The following OSBP2 variants were observed in gnomAD, a reference collection of about 807,000 sequenced individuals.
OSBP2 encodes oxysterol binding protein 2.
A neutral mutation model predicts 96.0 loss-of-function variants in OSBP2; 66 were observed. The observed-to-expected ratio is 0.69, with a 90% CI of 0.56 to 0.84. The LOEUF (loss-of-function observed/expected upper bound fraction) is 0.84, where lower values mean the gene tolerates loss of function less well. OSBP2 is among the 40% of genes least tolerant of loss of function. OSBP2 has a pLI of 0.00. For missense variants in OSBP2, 1,038 were observed against 1,222.7 expected (o/e 0.85, Z 2.25); for synonymous variants, 525 against 520.9 (o/e 1.01, Z -0.11).
intron 2 of OSBP2, among the ~76,000 whole-genome samples, chr22:30,859,614 AG>A (rs1202943196): frequency 6.6e-6 from 1 of 152,196 alleles, no homozygotes; most frequent in East Asian, 1.9e-4. Context: ...GGCTGAAAAA[AG>A]GGCCTTCCTC....
intron 1 of OSBP2, among the ~76,000 whole-genome samples, chr22:30,717,108 G>T (rs1386674306): frequency 4.6e-4 from 65 of 141,532 alleles, no homozygotes; most frequent in African/African-American, 8.4e-4. Flanking sequence ...GTGTGTGTGT[G>T]TGTGTGTGTG....
chr22:30,815,251 C>T (rs2091068481), intron 2 of OSBP2, among the ~76,000 whole-genome samples: 1 of 152,174 alleles, frequency 6.6e-6, no homozygotes, highest in African/African-American at 2.4e-5. Flanking sequence ...CCGCTGTACT[C>T]CAGCCTGGGT....
chr22:30,782,108 T>C (rs931287850), intron 2 of OSBP2, among the ~76,000 whole-genome samples: 1 of 152,136 alleles, frequency 6.6e-6, no homozygotes, highest in African/African-American at 2.4e-5. Flanking sequence ...ATTACGCCAC[T>C]GCACTCCAGC....
At chr22:30,809,862 C>A (rs2090982859) in intron 2 of OSBP2, among the ~76,000 whole-genome samples, 2 of 152,070 alleles carry the variant, frequency 1.3e-5, no homozygotes, top group African/African-American at 4.8e-5. Context: ...CTTGGGGATT[C>A]ATTGCATATA....
intron 2 of OSBP2, among the ~76,000 whole-genome samples, chr22:30,842,938 CCTGGCT>C (rs1214055691): frequency 2.6e-5 from 4 of 152,080 alleles, no homozygotes; most frequent in African/African-American, 9.7e-5. Flanking sequence ...TGCCACCACA[CCTGGCT>C]AATTTTTATT....
intron 1 of OSBP2, among the ~76,000 whole-genome samples, chr22:30,723,939 T>C (rs1409435442): frequency 6.6e-6 from 1 of 152,164 alleles, no homozygotes; most frequent in Admixed American, 6.6e-5. Context: ...GTGCGGTACC[T>C]TCTATGGACT....
At chr22:30,734,051 T>A (rs2089817396) in intron 1 of OSBP2, among the ~76,000 whole-genome samples, 1 of 152,126 alleles carries the variant, frequency 6.6e-6, no homozygotes, top group Non-Finnish European at 1.5e-5. Flanking sequence ...CTCCATTCAC[T>A]GCAACCATCA....
intron 1 of OSBP2, among the ~76,000 whole-genome samples, chr22:30,697,365 G>A (rs1038329444): frequency 2.6e-5 from 4 of 151,968 alleles, no homozygotes; most frequent in African/African-American, 7.3e-5. Flanking sequence ...TGCAACCTCC[G>A]CCTCCCAGGT....
chr22:30,696,679 A>C (rs1264871625), intron 1 of OSBP2, among the ~76,000 whole-genome samples: 1 of 152,122 alleles, frequency 6.6e-6, no homozygotes, highest in Non-Finnish European at 1.5e-5. Flanking sequence ...TTTGAGACGG[A>C]GTATTGCTCT....
At chr22:30,803,233 C>T (rs1602286143) in intron 2 of OSBP2, 1 of 154,032 alleles carries the variant, frequency 6.5e-6, no homozygotes, top group East Asian at 1.9e-4. Flanking sequence ...GGCATGGGAT[C>T]TCTTGGGCTT....
At chr22:30,886,127 T>G (rs1238713657) in intron 3 of OSBP2, among the ~76,000 whole-genome samples, 1 of 152,260 alleles carries the variant, frequency 6.6e-6, no homozygotes, top group Non-Finnish European at 1.5e-5. Flanking sequence ...TGGGAGGTCC[T>G]GAGAACATGT....
At chr22:30,787,849 A>AG (rs1437461821) in intron 2 of OSBP2, among the ~76,000 whole-genome samples, 4 of 152,040 alleles carry the variant, frequency 2.6e-5, no homozygotes, top group Non-Finnish European at 4.4e-5. Flanking sequence ...AGAACCTTGG[A>AG]GGGGTGTTAG....
chr22:30,880,168 C>T (rs546129953), intron 3 of OSBP2, among the ~76,000 whole-genome samples: 20 of 152,332 alleles, frequency 1.3e-4, no homozygotes, highest in African/African-American at 4.3e-4. Flanking sequence ...TGACTCTCTG[C>T]GATCTCACCG....
intron 2 of OSBP2, among the ~76,000 whole-genome samples, chr22:30,767,993 T>C (rs985488428): frequency 4.6e-5 from 7 of 152,156 alleles, no homozygotes; most frequent in Non-Finnish European, 5.9e-5. Flanking sequence ...TCTTATTCTT[T>C]AGGAGGTGTG....
chr22:30,885,109 A>G (rs935284487), intron 3 of OSBP2, among the ~76,000 whole-genome samples: 4 of 152,204 alleles, frequency 2.6e-5, no homozygotes, highest in African/African-American at 9.6e-5. Context: ...ATATTTCCTC[A>G]ACAGCTGCCT....
chr22:30,841,690 A>G (rs2038756365), intron 2 of OSBP2, among the ~76,000 whole-genome samples: 1 of 152,202 alleles, frequency 6.6e-6, no homozygotes, highest in East Asian at 1.9e-4. Context: ...AACAATGTAT[A>G]TATCTTCACT....
rs550473993 is a variant in OSBP2 at position 30,781,009 on chromosome 22, G to A, written c.853+39640G>A. 4.0e-5 allele frequency among the ~76,000 whole-genome samples: 6 copies of A among 150,842 alleles called. No homozygotes were observed. The South Asian group carries it at 1.1e-3, about 26-fold the overall frequency. On this transcript the variant is annotated intron_variant, in intron 2 of 13. Transcript: ENST00000332585. ...TTTTTTTTTGAGACGGAGTTTCGCT[G>A]TTGTCACTCAGGCTGGAGTACAGTG...
intron 2 of OSBP2, among the ~76,000 whole-genome samples, chr22:30,856,277 A>T (rs2039075081): frequency 6.7e-6 from 1 of 150,142 alleles, no homozygotes; most frequent in Non-Finnish European, 1.5e-5. Flanking sequence ...CTTTACCTCT[A>T]CCATGCCTCC....
intron 1 of OSBP2, among the ~76,000 whole-genome samples, chr22:30,708,564 C>T (rs964289787): frequency 3.8e-5 from 5 of 130,102 alleles, no homozygotes; most frequent in Admixed American, 3.6e-4. Flanking sequence ...TCTTGGCTCA[C>T]TGTAACCTCT....
Sources: allele counts gnomAD v4.1 joint callset (sites outside exome capture counted in the v4.1 genomes callset), GRCh38; gene constraint gnomAD v4.1.1; transcripts MANE v1.5; gene names NCBI Gene and HGNC (gene_info 2026-07-23, HGNC 2026-07-21).